Variants in FBXO10 observed in about 807,000 individuals in gnomAD.
The protein encoded by FBXO10 is F-box only protein 10.
FBXO10 carries 39 observed loss-of-function variants against 80.7 expected under a neutral mutation model. The ratio of observed to expected loss-of-function variants is 0.48; its 90% CI spans 0.37 to 0.63. FBXO10 has a LOEUF of 0.63. Among genes scored for constraint, FBXO10 ranks in the 30% least tolerant of loss-of-function variants. The pLI is 0.00. For missense variants in FBXO10, 1,025 were observed against 1,269.0 expected (o/e 0.81, Z 2.92); for synonymous variants, 449 against 489.6 (o/e 0.92, Z 1.09).
chr9:37,531,779 G>C, intron 4 of FBXO10, 130 bp downstream of exon 4: 1 of 883,116 alleles, frequency 1.1e-6, no homozygotes, highest in South Asian at 1.6e-5. Context: ...AGGACACGCA[G>C]AGGACAGAGC....
At chr9:37,564,431 C>A (rs1197988264) in intron 1 of FBXO10, among the ~76,000 whole-genome samples, 1 of 152,138 alleles carries the variant, frequency 6.6e-6, no homozygotes, top group Non-Finnish European at 1.5e-5. Context: ...ATCCTCCAGA[C>A]CCCACAATGG....
intron 2 of FBXO10, 43 bp from the exon 3 acceptor site, chr9:37,537,986 T>G: frequency 1.3e-6 from 2 of 1,497,800 alleles, no homozygotes; most frequent in Non-Finnish European, 1.9e-6. Flanking sequence ...AGGGATGAGA[T>G]TGGTTTTGGA....
chr9:37,515,649 G>T, intron 10 of FBXO10: 1 of 384,824 alleles, frequency 2.6e-6, no homozygotes, highest in South Asian at 5.9e-5. Context: ...GTTGCCCAAG[G>T]TCACACAGCC....
chr9:37,554,207 T>A (rs995056820), intron 1 of FBXO10, among the ~76,000 whole-genome samples: 1 of 152,214 alleles, frequency 6.6e-6, no homozygotes, highest in Non-Finnish European at 1.5e-5. Flanking sequence ...CTTTTGTAAC[T>A]ATACACGTCT....
intron 1 of FBXO10, among the ~76,000 whole-genome samples, chr9:37,552,035 C>A (rs1192168284): frequency 6.6e-6 from 1 of 152,200 alleles, no homozygotes; most frequent in Non-Finnish European, 1.5e-5. Context: ...AGAAAGATAA[C>A]CTTTCTTCCA....
At chr9:37,551,206 C>T (rs939169079) in intron 1 of FBXO10, among the ~76,000 whole-genome samples, 2 of 152,238 alleles carry the variant, frequency 1.3e-5, no homozygotes, top group African/African-American at 2.4e-5. Flanking sequence ...CTGGACACAA[C>T]GTGTTGGGGG....
intron 1 of FBXO10, among the ~76,000 whole-genome samples, chr9:37,544,855 G>A (rs1013504523): frequency 1.1e-4 from 17 of 151,756 alleles, no homozygotes; most frequent in Non-Finnish European, 1.9e-4. Context: ...TTAGCCGGGC[G>A]TGGTGGCGGG....
intron 1 of FBXO10, among the ~76,000 whole-genome samples, chr9:37,546,885 T>C (rs1211145362): frequency 6.6e-6 from 1 of 152,190 alleles, no homozygotes; most frequent in Non-Finnish European, 1.5e-5. Flanking sequence ...TTCACCATAT[T>C]AGCCAGGCTG....
intron 1 of FBXO10, among the ~76,000 whole-genome samples, chr9:37,558,483 T>C (rs772051642): frequency 3.9e-5 from 6 of 152,164 alleles, no homozygotes; most frequent in African/African-American, 1.2e-4. Flanking sequence ...GCACTGACAA[T>C]TTCTCTCCCA....
chr9:37,532,419 GC>G (rs1821654484), intron 3 of FBXO10, among the ~76,000 whole-genome samples: 1 of 150,728 alleles, frequency 6.6e-6, no homozygotes, highest in Admixed American at 6.7e-5. Flanking sequence ...TCCCACCTCA[GC>G]CTCCCAAATA....
chr9:37,553,642 A>G (rs1822263125), intron 1 of FBXO10, among the ~76,000 whole-genome samples: 2 of 151,882 alleles, frequency 1.3e-5, no homozygotes, highest in Non-Finnish European at 1.5e-5. Flanking sequence ...ACGGTGGCTC[A>G]TGCCTGGAAT....
At chr9:37,532,590 C>T (rs1039334704) in intron 3 of FBXO10, among the ~76,000 whole-genome samples, 1 of 152,150 alleles carries the variant, frequency 6.6e-6, no homozygotes, top group Non-Finnish European at 1.5e-5. Context: ...AAGCAATCCT[C>T]CCACCTTGGC....
chr9:37,528,986 T>A, intron 5 of FBXO10, 138 bp downstream of exon 5: 1 of 1,166,588 alleles, frequency 8.6e-7, no homozygotes, highest in Non-Finnish European at 1.2e-6. Flanking sequence ...AAAGCCGCTG[T>A]GTTACTGGGG....
At chr9:37,542,880 A>G (rs545958799) in intron 1 of FBXO10, among the ~76,000 whole-genome samples, 1 of 152,220 alleles carries the variant, frequency 6.6e-6, no homozygotes, top group African/African-American at 2.4e-5. Context: ...ACTTGCAACT[A>G]GAAGAGTCTG....
chr9:37,532,151 G>C, intron 3 of FBXO10, 93 bp from the exon 4 acceptor site: 7 of 1,368,426 alleles, frequency 5.1e-6, no homozygotes, highest in Non-Finnish European at 7.0e-6. Flanking sequence ...CGCACCACCT[G>C]ATCCATGCAG....
chr9:37,545,172 AG>A (rs1822025633), intron 1 of FBXO10, among the ~76,000 whole-genome samples: 1 of 109,760 alleles, frequency 9.1e-6, no homozygotes, highest in Non-Finnish European at 1.8e-5. Context: ...ATACATTCTC[AG>A]GCTTTTTTTT....
rs933491903 is a variant in FBXO10, at chr9:37,512,706, G to A, written c.2712C>T (p.Arg904=). The change falls in exon 11 of 11, where the codon CGC becomes CGT. Residue 904 remains arginine, a synonymous_variant. Coordinates refer to ENST00000432825, the MANE Select transcript of FBXO10 (RefSeq NM_012166.3). ...LVFKKKSDTW[R]LVNPPARPHL... The stretch of plus-strand genomic sequence containing the variant: ...GGGGCCGTGCTGGTGGGTTCACCAG[G>A]CGCCACGTATCAGACCTGGAGGTGC... 1 of 1,613,792 alleles carries A rather than the reference G, an allele frequency of 6.2e-7. No individual in the cohort carries two copies. Among genetic ancestry groups the A allele is most frequent in the Non-Finnish European group, 8.5e-7 (1 of 1,179,792 alleles).
intron 1 of FBXO10, among the ~76,000 whole-genome samples, chr9:37,568,076 A>C (rs1239839086): frequency 6.6e-6 from 1 of 152,016 alleles, no homozygotes; most frequent in Admixed American, 6.5e-5. Flanking sequence ...GCAAGAGATC[A>C]AAGGGCCAGG....
intron 1 of FBXO10, among the ~76,000 whole-genome samples, chr9:37,554,866 G>C (rs1822296680): frequency 6.6e-6 from 1 of 152,134 alleles, no homozygotes; most frequent in Admixed American, 6.5e-5. Flanking sequence ...ATTACTTTCA[G>C]TTTGGGGCTA....
Sources: allele counts gnomAD v4.1 joint callset (sites outside exome capture counted in the v4.1 genomes callset), GRCh38; gene constraint gnomAD v4.1.1; transcripts MANE v1.5; gene names NCBI Gene and HGNC (gene_info 2026-07-23, HGNC 2026-07-21).